The following CALN1 variants were observed in gnomAD, a reference collection of about 807,000 sequenced individuals.
CALN1 encodes the protein calcium-binding protein 8.
A neutral mutation model predicts 30.6 loss-of-function variants in CALN1; 17 were observed. That is an observed-to-expected ratio of 0.56 (90% CI 0.38 to 0.83). The LOEUF is 0.83. Ranked by LOEUF, CALN1 falls within the 40% of genes least tolerant of loss-of-function variation. The pLI is 0.00. For missense variants in CALN1, 291 were observed against 354.9 expected (o/e 0.82, Z 1.45); for synonymous variants, 156 against 131.4 (o/e 1.19, Z -1.28).
At chr7:71,788,004 G>T in intron 6 of CALN1, 102 bp from the exon 7 acceptor site, 3 of 1,489,538 alleles carry the variant, frequency 2.0e-6, no homozygotes, top group Non-Finnish European at 2.8e-6. Context: ...TTCCTCAACA[G>T]GCCAGCAGTG....
intron 5 of CALN1, among the ~76,000 whole-genome samples, chr7:71,868,240 G>C (rs1253415774): frequency 6.6e-6 from 1 of 152,102 alleles, no homozygotes; most frequent in Non-Finnish European, 1.5e-5. Context: ...AGTTCCATGG[G>C]CTATATAGGA....
In CALN1 at chr7:71,859,348, G is replaced by C. The variant is rs529276040; in HGVS notation, c.502-48856C>G. Among the ~76,000 whole-genome samples the C allele has an allele frequency of 1.3e-3, 203 of 152,202 alleles. 2 individuals carry two copies. Among genetic ancestry groups the C allele is most frequent in the Middle Eastern group, 6.8e-3 (2 of 294 alleles). ...AAAGTGCTGGGATTACAGCCACTGT[G>C]GGCATCATTTTTTATTTGTCTGTTG... On this transcript the variant is annotated intron_variant, in intron 5 of 6. Coordinates refer to ENST00000395275, the MANE Select transcript of CALN1 (RefSeq NM_031468.4).
At chr7:72,287,396 T>C (rs1798152817) in intron 2 of CALN1, among the ~76,000 whole-genome samples, 1 of 152,062 alleles carries the variant, frequency 6.6e-6, no homozygotes. Context: ...ATATTGGATT[T>C]CTGAGATCTA....
rs1792766968 is a variant in CALN1 at position 71,782,446 on chromosome 7, C to T, written c.*5329G>A. 1 of 152,276 alleles carries T rather than the reference C, an allele frequency of 6.6e-6. No homozygotes were observed. Among genetic ancestry groups the T allele is most frequent in the Non-Finnish European group, 1.5e-5 (1 of 68,108 alleles). The allele number at this position is 152,276 out of a possible 1,614,324, so 9.4% of individuals were successfully genotyped here. A position where few individuals can be genotyped will look rare whatever the true frequency, so the allele number is the denominator to read the frequency against. On this transcript the variant is annotated 3_prime_UTR_variant, in exon 7 of 7. Coordinates refer to ENST00000395275, the MANE Select transcript of CALN1 (RefSeq NM_031468.4). ...AGCAGATGTTGATACCTTGCTCAAA[C>T]AGCCTGCAGAACTGCGAGCCAAATA... is the stretch of plus-strand genomic sequence containing the variant.
In CALN1 at chr7:72,412,320, T is replaced by G. The variant is rs113723621; in HGVS notation, c.-336A>C. The G allele has an allele frequency of 2.1e-4, 32 of 152,234 alleles. 1 individual carries two copies. The highest frequency in any genetic ancestry group is 6.2e-4 in the South Asian group (3 of 4,806). The allele number at this position is 152,234 out of a possible 1,614,324, so 9.4% of individuals were successfully genotyped here. A position where few individuals can be genotyped will look rare whatever the true frequency, so the allele number is the denominator to read the frequency against. On this transcript the variant is annotated 5_prime_UTR_variant, in exon 1 of 7. Coordinates refer to ENST00000395275, the MANE Select transcript of CALN1 (RefSeq NM_031468.4). Reference sequence around the variant, plus strand: ...AGAAAAAAACACAAACTCAAGCGGATAGCACCCCAGCGAGCTTCCCCAGCG... The same window carrying G: ...AGAAAAAAACACAAACTCAAGCGGAGAGCACCCCAGCGAGCTTCCCCAGCG...
At chr7:72,097,713 T>C (rs1278140558) in intron 4 of CALN1, among the ~76,000 whole-genome samples, 4 of 151,596 alleles carry the variant, frequency 2.6e-5, no homozygotes, top group Non-Finnish European at 5.9e-5. Flanking sequence ...TTTTTTTTTC[T>C]TTTATATATA....
intron 2 of CALN1, among the ~76,000 whole-genome samples, chr7:72,355,467 A>C (rs935134982): frequency 2.6e-5 from 4 of 152,194 alleles, no homozygotes; most frequent in Non-Finnish European, 4.4e-5. Context: ...CAGAGGTGGC[A>C]GTGAGCCGGG....
intron 1 of CALN1, among the ~76,000 whole-genome samples, chr7:72,405,595 T>C (rs1585678125): frequency 6.6e-6 from 1 of 152,064 alleles, no homozygotes; most frequent in Non-Finnish European, 1.5e-5. Flanking sequence ...GACTCATCTA[T>C]TCACACACAC....
At chr7:71,812,800 G>C (rs1016388776) in intron 5 of CALN1, among the ~76,000 whole-genome samples, 1 of 151,462 alleles carries the variant, frequency 6.6e-6, no homozygotes, top group African/African-American at 2.4e-5. Context: ...CTGATATGCT[G>C]TGGTGTGATC....
At chr7:72,379,455 A>G (rs1383975507) in intron 2 of CALN1, among the ~76,000 whole-genome samples, 2 of 152,230 alleles carry the variant, frequency 1.3e-5, no homozygotes, top group African/African-American at 4.8e-5. Flanking sequence ...AATTATCTCA[A>G]TTAATACAAC....
At chr7:72,098,529 C>A (rs60902167) in intron 4 of CALN1, among the ~76,000 whole-genome samples, 34,464 of 151,682 alleles carry the variant, frequency 0.23, 4,841 homozygotes, top group East Asian at 0.69. Context: ...TAGAGTGAGA[C>A]TTCATCTCTG....
At chr7:72,186,782 T>C (rs1023392058) in intron 3 of CALN1, among the ~76,000 whole-genome samples, 2 of 152,006 alleles carry the variant, frequency 1.3e-5, no homozygotes, top group Non-Finnish European at 2.9e-5. Context: ...ATGGCGCACA[T>C]GTACCACCTT....
At chr7:72,269,172 G>T (rs1300794920) in intron 3 of CALN1, among the ~76,000 whole-genome samples, 1 of 152,130 alleles carries the variant, frequency 6.6e-6, no homozygotes, top group Non-Finnish European at 1.5e-5. Flanking sequence ...ATGAACATCT[G>T]GTTGAAGCCT....
chr7:72,374,448 G>C (rs1022437137), intron 2 of CALN1, among the ~76,000 whole-genome samples: 2 of 148,314 alleles, frequency 1.3e-5, no homozygotes, highest in Admixed American at 1.4e-4. Flanking sequence ...AGAATAGCTT[G>C]AACCTGGGGG....
intron 2 of CALN1, among the ~76,000 whole-genome samples, chr7:72,398,470 T>C (rs1585660352): frequency 6.6e-6 from 1 of 152,224 alleles, no homozygotes; most frequent in South Asian, 2.1e-4. Flanking sequence ...AGATCACATA[T>C]CAATAGTGCA....
At chr7:72,260,484 G>A (rs2677275) in intron 3 of CALN1, among the ~76,000 whole-genome samples, 87,648 of 152,094 alleles carry the variant, frequency 0.58, 25,607 homozygotes, top group South Asian at 0.65. Context: ...AACCACAGTC[G>A]TGGAGATTCA....
intron 5 of CALN1, among the ~76,000 whole-genome samples, chr7:71,850,479 A>C (rs1790573833): frequency 1.3e-5 from 2 of 152,182 alleles, no homozygotes; most frequent in Admixed American, 6.5e-5. Flanking sequence ...TGGCTTCCCA[A>C]AGCGCTGGGA....
chr7:72,438,731 C>T (rs564390234), intron 1 of CALN1, among the ~76,000 whole-genome samples: 3 of 152,296 alleles, frequency 2.0e-5, no homozygotes, highest in East Asian at 3.9e-4. Flanking sequence ...TGCTTCATCT[C>T]GTTGGCATTT....
At chr7:72,320,022 G>A (rs757144245) in intron 2 of CALN1, among the ~76,000 whole-genome samples, 9 of 152,168 alleles carry the variant, frequency 5.9e-5, no homozygotes, top group Non-Finnish European at 8.8e-5. Flanking sequence ...GCCAGGGCGT[G>A]AGACAGGAGA....
Sources: allele counts gnomAD v4.1 joint callset (sites outside exome capture counted in the v4.1 genomes callset), GRCh38; gene constraint gnomAD v4.1.1; transcripts MANE v1.5; gene names NCBI Gene and HGNC (gene_info 2026-07-23, HGNC 2026-07-21).